Variants in ERO1B observed in about 807,000 individuals in gnomAD.
The protein encoded by ERO1B is ERO1-like protein beta.
A neutral mutation model predicts 75.3 loss-of-function variants in ERO1B; 49 were observed. The ratio of observed to expected loss-of-function variants is 0.65; its 90% CI spans 0.52 to 0.83. The LOEUF (loss-of-function observed/expected upper bound fraction) is 0.83, where lower values mean the gene tolerates loss of function less well. ERO1B is among the 40% of genes least tolerant of loss of function. The probability of loss-of-function intolerance (pLI) is 0.00; values close to 1 mark genes in which losing one functional copy is unlikely to be tolerated. For synonymous variants in ERO1B, 191 were observed against 192.9 expected (o/e 0.99, Z 0.08); for missense variants, 512 against 560.1 (o/e 0.91, Z 0.87).
At chr1:236,240,899 T>C (rs1664681705) in intron 6 of ERO1B, among the ~76,000 whole-genome samples, 1 of 152,168 alleles carries the variant, frequency 6.6e-6, no homozygotes, top group South Asian at 2.1e-4. Flanking sequence ...GCTACTATCT[T>C]ACACAGCGAG....
chr1:236,239,789 G>GTATATATATA (rs67985500), intron 6 of ERO1B, among the ~76,000 whole-genome samples: 1 of 97,528 alleles, frequency 1.0e-5, no homozygotes, highest in African/African-American at 3.2e-5. Flanking sequence ...TCCTCTTCAA[G>GTATATATATA]TATATATATA....
chr1:236,224,900 T>A (rs984281189), intron 13 of ERO1B, among the ~76,000 whole-genome samples, 170 bp downstream of exon 13: 1 of 152,222 alleles, frequency 6.6e-6, no homozygotes, highest in African/African-American at 2.4e-5. Context: ...AGTTGGTCAA[T>A]GGAACTGAGA....
chr1:236,265,348 G>C (rs1275333284), intron 2 of ERO1B, among the ~76,000 whole-genome samples: 1 of 152,010 alleles, frequency 6.6e-6, no homozygotes, highest in Non-Finnish European at 1.5e-5. Flanking sequence ...TGCATTCTTG[G>C]AATAAAATCT....
At chr1:236,228,159 C>G (rs565698295) in intron 10 of ERO1B, among the ~76,000 whole-genome samples, 2 of 152,064 alleles carry the variant, frequency 1.3e-5, no homozygotes, top group Non-Finnish European at 2.9e-5. Flanking sequence ...CAAAGCAAAA[C>G]TCATGAAAAT....
At chr1:236,224,391 A>G (rs1664227621) in intron 13 of ERO1B, among the ~76,000 whole-genome samples, 1 of 151,940 alleles carries the variant, frequency 6.6e-6, no homozygotes, top group Admixed American at 6.6e-5. Context: ...TGAGGTGGGA[A>G]GACAGCTCAG....
intron 5 of ERO1B, among the ~76,000 whole-genome samples, chr1:236,247,838 T>C (rs1312847055): frequency 7.2e-5 from 11 of 152,182 alleles, no homozygotes; most frequent in African/African-American, 2.4e-4. Flanking sequence ...AACTAACATT[T>C]ATATATACCT....
chr1:236,241,633 A>G (rs745591158), intron 6 of ERO1B, among the ~76,000 whole-genome samples: 1 of 152,256 alleles, frequency 6.6e-6, no homozygotes, highest in Non-Finnish European at 1.5e-5. Flanking sequence ...TGGTAAACCA[A>G]TTAGTAGGTA....
intron 14 of ERO1B, 72 bp downstream of exon 14, chr1:236,221,852 A>T: frequency 8.9e-7 from 1 of 1,126,400 alleles, no homozygotes; most frequent in Non-Finnish European, 1.3e-6. Flanking sequence ...AGGACATTTT[A>T]ATAAAAAGCT....
chr1:236,227,815 CT>C (rs1453123137), intron 10 of ERO1B, among the ~76,000 whole-genome samples: 19 of 152,096 alleles, frequency 1.2e-4, no homozygotes, highest in Admixed American at 1.2e-3. Context: ...AAAAATAATT[CT>C]TTTGAGTTCT....
At chr1:236,268,947 T>C (rs1167543196) in intron 2 of ERO1B, among the ~76,000 whole-genome samples, 1 of 150,272 alleles carries the variant, frequency 6.7e-6, no homozygotes, top group Non-Finnish European at 1.5e-5. Context: ...AAAATACATA[T>C]ATTTAGGCCG....
chr1:236,269,597 C>T (rs982254838), intron 2 of ERO1B, among the ~76,000 whole-genome samples: 2 of 152,154 alleles, frequency 1.3e-5, no homozygotes, highest in South Asian at 4.1e-4. Flanking sequence ...ATAAGAGAGG[C>T]TGACAAAGTA....
chr1:236,258,282 C>T (rs1665212212), intron 2 of ERO1B, among the ~76,000 whole-genome samples: 1 of 151,672 alleles, frequency 6.6e-6, no homozygotes, highest in African/African-American at 2.4e-5. Flanking sequence ...ATATTGAAAG[C>T]TGCAAGGGAA....
At chr1:236,274,433 CTATT>C (rs1665666642) in intron 1 of ERO1B, among the ~76,000 whole-genome samples, 2 of 152,270 alleles carry the variant, frequency 1.3e-5, no homozygotes, top group South Asian at 4.1e-4. Context: ...TGTAAAATGT[CTATT>C]TATATCTTTG....
At chr1:236,246,196 C>T (rs1228952806) in intron 5 of ERO1B, among the ~76,000 whole-genome samples, 2 of 152,132 alleles carry the variant, frequency 1.3e-5, no homozygotes, top group Non-Finnish European at 1.5e-5. Context: ...GATAGTGTCT[C>T]ACTTTGTCAC....
At chr1:236,279,707 C>T (rs1420089553) in intron 1 of ERO1B, among the ~76,000 whole-genome samples, 4 of 150,944 alleles carry the variant, frequency 2.6e-5, no homozygotes, top group Middle Eastern at 3.2e-3. Flanking sequence ...TAGCCAGGCG[C>T]GGTGGCAAGC....
At chr1:236,221,550 T>A (rs2477585) in intron 14 of ERO1B, among the ~76,000 whole-genome samples, 86,638 of 152,018 alleles carry the variant, frequency 0.57, 27,520 homozygotes, top group East Asian at 0.88. Context: ...TGCTCATTTA[T>A]ACAAATTCAA....
intron 13 of ERO1B, among the ~76,000 whole-genome samples, chr1:236,223,202 C>CAAAAAAA (rs11322079): frequency 1.2e-5 from 1 of 80,928 alleles, no homozygotes; most frequent in African/African-American, 4.8e-5. Flanking sequence ...AACTCTGTCT[C>CAAAAAAA]AAAAAAAAAA....
intron 5 of ERO1B, among the ~76,000 whole-genome samples, chr1:236,244,075 TA>T (rs1664777110): frequency 6.6e-6 from 1 of 152,292 alleles, no homozygotes; most frequent in South Asian, 2.1e-4. Flanking sequence ...AACTGATAAG[TA>T]ACAACTACAT....
chr1:236,269,108 G>A (rs1016065392), intron 2 of ERO1B, among the ~76,000 whole-genome samples: 3 of 151,972 alleles, frequency 2.0e-5, no homozygotes, highest in Admixed American at 6.6e-5. Flanking sequence ...GGTGGCGGGC[G>A]CCTGTAATCC....
Sources: allele counts gnomAD v4.1 joint callset (sites outside exome capture counted in the v4.1 genomes callset), GRCh38; gene constraint gnomAD v4.1.1; transcripts MANE v1.5; gene names NCBI Gene and HGNC (gene_info 2026-07-23, HGNC 2026-07-21).